Variants in ACAD10 observed in about 807,000 individuals in gnomAD.
The protein encoded by ACAD10 is acyl-CoA dehydrogenase family member 10.
A neutral mutation model predicts 116.8 loss-of-function variants in ACAD10; 112 were observed. That is an observed-to-expected ratio of 0.96 (90% CI 0.82 to 1.12). The LOEUF (loss-of-function observed/expected upper bound fraction) is 1.12. Among genes scored for constraint, ACAD10 ranks in the 50% most tolerant of loss-of-function variants. ACAD10 has a pLI of 0.00. For missense variants in ACAD10, 1,259 were observed against 1,350.2 expected (o/e 0.93, Z 1.06); for synonymous variants, 486 against 510.6 (o/e 0.95, Z 0.65).
At chr12:111,755,847 CCT>C (rs1196383738) in intron 20 of ACAD10, 102 bp downstream of exon 20, 2 of 1,142,820 alleles carry the variant, frequency 1.8e-6, no homozygotes, top group Non-Finnish European at 2.6e-6. Flanking sequence ...TGGCAGATGC[CCT>C]GTGTCACCCA....
chr12:111,734,588 C>T (rs1030729652), intron 11 of ACAD10, among the ~76,000 whole-genome samples: 2 of 152,172 alleles, frequency 1.3e-5, no homozygotes, highest in Non-Finnish European at 2.9e-5. Flanking sequence ...CATGCCATTG[C>T]ACTCCAGCCT....
Position 111,724,854 on chromosome 12 carries a change from C to T in ACAD10, c.1062-3108C>T, listed in dbSNP as rs935075517. Among the ~76,000 whole-genome samples the T allele has an allele frequency of 2.3e-4, 34 of 150,316 alleles. 1 individual carries two copies. Among genetic ancestry groups the T allele is most frequent in the Non-Finnish European group, 3.7e-4 (25 of 67,476 alleles). ...CGTGGAAAGAGAGGGAGAGGGAGAC[C>T]GTGGAAAGAGAGGGAGAGGGAGACC... On this transcript the variant is annotated intron_variant, in intron 8 of 20. Transcript: ENST00000313698.
rs1193749825 is a variant in ACAD10, at chr12:111,705,927, GAT to G, written c.527_528del (p.Asp176GlyfsTer12). On this transcript the variant is annotated frameshift_variant, in exon 4 of 21. Transcript: ENST00000313698. LOFTEE classifies it high-confidence loss of function. ...TTTGCCCCTGGACCGGAAACAGTTT[GAT>G]GTGGTAAGCTTGAGCTAATTGAAAA... is the stretch of plus-strand genomic sequence containing the variant. ...SFLPLDRKQF[D>X]VIVESCMEGI... 1 of 1,613,948 alleles carries G rather than the reference GAT, an allele frequency of 6.2e-7. No individual in the cohort carries two copies. Among genetic ancestry groups the G allele is most frequent in the Non-Finnish European group, 8.5e-7 (1 of 1,179,972 alleles).
At chr12:111,734,634 A>G in intron 11 of ACAD10, among the ~76,000 whole-genome samples, 1 of 152,208 alleles carries the variant, frequency 6.6e-6, no homozygotes, top group East Asian at 1.9e-4. Context: ...AAAAAAAACA[A>G]AAACAAACCA....
At chr12:111,741,811 C>T (rs1268800052) in intron 12 of ACAD10, among the ~76,000 whole-genome samples, 1 of 152,152 alleles carries the variant, frequency 6.6e-6, no homozygotes, top group Non-Finnish European at 1.5e-5. Context: ...GTTTGAACAG[C>T]TGAGATATTT....
At chr12:111,753,289 G>A in intron 18 of ACAD10, 4 of 333,814 alleles carry the variant, frequency 1.2e-5, no homozygotes, top group South Asian at 9.8e-5. Flanking sequence ...AAGGCCGGGA[G>A]CGAGACGGGG....
rs117841567 is a variant in ACAD10 at position 111,718,783 on chromosome 12, T to C, written c.992+2821T>C. Among the ~76,000 whole-genome samples, 5,837 of 152,106 alleles carry C rather than the reference T, an allele frequency of 0.038. 1,142 individuals carry two copies. The East Asian group carries it at 0.62, about 16-fold the overall frequency. On this transcript the variant is annotated intron_variant, in intron 7 of 20. Coordinates refer to ENST00000313698, the MANE Select transcript of ACAD10 (RefSeq NM_025247.6). ...TATGAGCCTCTGCGCCTGGCCTGTT[T>C]TTCTTTTCTAATACAAGCATTTAAA...
At chr12:111,723,965 G>A (rs549088993) in intron 8 of ACAD10, among the ~76,000 whole-genome samples, 1,911 of 149,312 alleles carry the variant, frequency 0.013, 51 homozygotes, top group African/African-American at 0.045. Context: ...CGGGGCAGAG[G>A]CGCTCCCCAC....
In ACAD10 at chr12:111,756,321, T is replaced by G. The variant is rs988415892; in HGVS notation, c.3040-12T>G. ...GACCCAGGGCCGCCTCCCTCCACTC[T>G]GTGTCTGCCAGGCCTTTGGAGCAGC... On this transcript the variant is annotated splice_polypyrimidine_tract_variant and intron_variant, in intron 20 of 20. Coordinates refer to ENST00000313698, the MANE Select transcript of ACAD10 (RefSeq NM_025247.6). The G allele has an allele frequency of 6.3e-7, 1 of 1,583,736 alleles. No homozygotes were observed. The highest frequency in any genetic ancestry group is 8.6e-7 in the Non-Finnish European group (1 of 1,168,066).
At chr12:111,714,325 C>T (rs979481891) in intron 6 of ACAD10, among the ~76,000 whole-genome samples, 2 of 151,960 alleles carry the variant, frequency 1.3e-5, no homozygotes, top group Non-Finnish European at 2.9e-5. Context: ...TCTCTTTCCT[C>T]CTTCACATTC....
chr12:111,753,804 G>C lies in ACAD10; in HGVS notation c.2850G>C (p.Leu950=), dbSNP rs1441429890. ...VKSRLAFGKP[L]VEQGTVLADI... ...CCCGCTTGGCTTTTGGGAAGCCCCT[G>C]GTGGAGCAGGGCACAGTGCTGGCGG... Residue 950 remains leucine, a synonymous_variant, in exon 19 of 21, where the codon CTG becomes CTC. Coordinates refer to ENST00000313698, the MANE Select transcript of ACAD10 (RefSeq NM_025247.6). 1.2e-6 allele frequency: 2 copies of C among 1,614,006 alleles called. No individual in the cohort carries two copies. The highest frequency in any genetic ancestry group is 2.2e-5 in the East Asian group (1 of 44,890).
At chr12:111,707,206 C>T (rs1403816580) in intron 4 of ACAD10, among the ~76,000 whole-genome samples, 4 of 152,030 alleles carry the variant, frequency 2.6e-5, no homozygotes, top group Non-Finnish European at 5.9e-5. Context: ...TCTCGTGCCT[C>T]AGCCTCCTAG....
rs984519989 is a variant in ACAD10 at position 111,755,584 on chromosome 12, G to A, written c.2962-84G>A. 5.3e-6 allele frequency: 5 copies of A among 949,744 alleles called. No individual in the cohort carries two copies. In the South Asian group the frequency reaches 6.9e-5, roughly 13 times the overall value. The allele number at this position is 949,744 out of a possible 1,614,324, so 58.8% of individuals were successfully genotyped here. ...CACCCTGCTAGTTTTTGTATTTTTA[G>A]TAGAGATGGGGGACGGGGGGGCCTC... On this transcript the variant is annotated intron_variant, in intron 19 of 20. Coordinates refer to ENST00000313698, the MANE Select transcript of ACAD10 (RefSeq NM_025247.6).
rs188911392 is a variant in ACAD10 at position 111,698,136 on chromosome 12, A to C, written c.188-4026A>C. ...CAGCCTCTCGAGTAGCTGGGACTAC[A>C]GGTGTGCACCACCACACCTAGCTAA... On this transcript the variant is annotated intron_variant, in intron 2 of 20. Transcript: ENST00000313698. Among the ~76,000 whole-genome samples the C allele has an allele frequency of 7.9e-5, 12 of 151,646 alleles. No individual in the cohort carries two copies. In the East Asian group the frequency reaches 2.3e-3, roughly 30 times the overall value.
At chr12:111,733,273 T>A (rs1288640254) in intron 10 of ACAD10, among the ~76,000 whole-genome samples, 1 of 151,850 alleles carries the variant, frequency 6.6e-6, no homozygotes. Flanking sequence ...AATTTTTAAA[T>A]TTTTTTTTGT....
At chr12:111,710,167 G>C (rs1888630591) in intron 5 of ACAD10, 1 of 371,486 alleles carries the variant, frequency 2.7e-6, no homozygotes. Flanking sequence ...ATAGCTCACT[G>C]TAGCCTCAAC....
chr12:111,707,496 A>G (rs1299738173), intron 4 of ACAD10, among the ~76,000 whole-genome samples: 2 of 152,222 alleles, frequency 1.3e-5, no homozygotes, highest in Non-Finnish European at 2.9e-5. Flanking sequence ...TTGATCTTCC[A>G]GCACCTTTTA....
At chr12:111,755,519 C>T in intron 19 of ACAD10, 149 bp from the exon 20 acceptor site, 1 of 649,376 alleles carries the variant, frequency 1.5e-6, no homozygotes, top group Non-Finnish European at 2.8e-6. Context: ...CCTCTCACCT[C>T]AGCCTCCTGA....
intron 16 of ACAD10, 56 bp downstream of exon 16, chr12:111,747,441 G>A (rs1418739845): frequency 6.2e-7 from 1 of 1,602,854 alleles, no homozygotes; most frequent in African/African-American, 1.3e-5. Context: ...GTGCTGTTAG[G>A]CGCGTCTCTC....
Sources: allele counts gnomAD v4.1 joint callset (sites outside exome capture counted in the v4.1 genomes callset), GRCh38; gene constraint gnomAD v4.1.1; transcripts MANE v1.5; gene names NCBI Gene and HGNC (gene_info 2026-07-23, HGNC 2026-07-21).